The following ITFG1 variants were observed in gnomAD, a reference collection of about 807,000 sequenced individuals.
The protein encoded by ITFG1 is T-cell immunomodulatory protein.
A neutral mutation model predicts 81.8 loss-of-function variants in ITFG1; 34 were observed. The ratio of observed to expected loss-of-function variants is 0.42; its 90% CI spans 0.32 to 0.55. The LOEUF (loss-of-function observed/expected upper bound fraction) is 0.55, where lower values mean the gene tolerates loss of function less well. Ranked by LOEUF, ITFG1 falls within the 20% of genes least tolerant of loss-of-function variation. The pLI is 0.17. For missense variants in ITFG1, 672 were observed against 755.4 expected, an observed-to-expected ratio of 0.89 and a Z score of 1.29; for synonymous variants, 285 against 270.6, an observed-to-expected ratio of 1.05 and a Z score of -0.52.
chr16:47,200,684 C>T (rs1965414319), intron 14 of ITFG1, among the ~76,000 whole-genome samples: 1 of 152,080 alleles, frequency 6.6e-6, no homozygotes, highest in African/African-American at 2.4e-5. Flanking sequence ...TGTAAAACAT[C>T]CTTATCTAAG....
intron 5 of ITFG1, among the ~76,000 whole-genome samples, chr16:47,433,792 TAC>T (rs1194139016): frequency 9.6e-5 from 13 of 135,636 alleles, no homozygotes; most frequent in Non-Finnish European, 1.4e-4. Flanking sequence ...TATATATATA[TAC>T]ACACACACAC....
intron 8 of ITFG1, among the ~76,000 whole-genome samples, chr16:47,342,780 C>T (rs1439283527): frequency 6.6e-6 from 1 of 152,024 alleles, no homozygotes; most frequent in African/African-American, 2.4e-5. Context: ...GAACAAAACA[C>T]CCAGGAGTAA....
rs888907263 is a variant in ITFG1 at position 47,276,272 on chromosome 16, GA to G, written c.1071-15578del. 3.3e-5 allele frequency among the ~76,000 whole-genome samples: 5 copies of G among 150,390 alleles called. No homozygotes were observed. The East Asian group carries it at 5.8e-4, about 18-fold the overall frequency. On this transcript the variant is annotated intron_variant, in intron 10 of 17. Transcript: ENST00000320640. Reference sequence around the variant, plus strand: ...ATAATAGTCATTAGAAAAGTAATAGGAAAAAAAAATCTCATTCAATAACAAT... The same window carrying G: ...ATAATAGTCATTAGAAAAGTAATAGGAAAAAAAATCTCATTCAATAACAAT...
intron 14 of ITFG1, among the ~76,000 whole-genome samples, chr16:47,168,912 A>G (rs1295334418): frequency 6.6e-6 from 1 of 152,146 alleles, no homozygotes; most frequent in Non-Finnish European, 1.5e-5. Context: ...ATTATTTTAT[A>G]TGGAGTCCCA....
intron 6 of ITFG1, among the ~76,000 whole-genome samples, 182 bp downstream of exon 6, chr16:47,428,622 C>G (rs1969053860): frequency 6.6e-6 from 1 of 152,156 alleles, no homozygotes; most frequent in African/African-American, 2.4e-5. Flanking sequence ...ACAACAATAG[C>G]TAAAGACTTA....
intron 6 of ITFG1, among the ~76,000 whole-genome samples, chr16:47,420,642 TA>T (rs1382347987): frequency 6.6e-6 from 1 of 152,216 alleles, no homozygotes; most frequent in Non-Finnish European, 1.5e-5. Flanking sequence ...ATCCTGCTGT[TA>T]AAAAGAGACT....
intron 10 of ITFG1, among the ~76,000 whole-genome samples, chr16:47,283,820 A>T (rs570706451): frequency 2.0e-5 from 3 of 152,352 alleles, no homozygotes; most frequent in Admixed American, 2.0e-4. Context: ...CACTCTTGGT[A>T]CCTTTCTACA....
At chr16:47,382,154 C>A (rs768974037) in intron 6 of ITFG1, among the ~76,000 whole-genome samples, 3 of 151,980 alleles carry the variant, frequency 2.0e-5, no homozygotes, top group Non-Finnish European at 4.4e-5. Context: ...CAGCATGGGT[C>A]AAAAAAACTC....
intron 13 of ITFG1, among the ~76,000 whole-genome samples, chr16:47,231,786 G>A (rs1488980721): frequency 6.6e-6 from 1 of 152,214 alleles, no homozygotes; most frequent in African/African-American, 2.4e-5. Context: ...AAGGTAATGT[G>A]ATAGGCAGAA....
At chr16:47,229,599 A>C (rs1965793741) in intron 13 of ITFG1, among the ~76,000 whole-genome samples, 2 of 151,638 alleles carry the variant, frequency 1.3e-5, no homozygotes, top group Non-Finnish European at 2.9e-5. Context: ...TGCTGCAGTC[A>C]GGCAAAAAAA....
chr16:47,429,940 G>A (rs1969072446), intron 5 of ITFG1, among the ~76,000 whole-genome samples: 1 of 151,528 alleles, frequency 6.6e-6, no homozygotes, highest in Non-Finnish European at 1.5e-5. Context: ...GGGATTATAA[G>A]ACCATTACCC....
intron 8 of ITFG1, among the ~76,000 whole-genome samples, chr16:47,323,599 GA>G (rs1967482439): frequency 6.6e-6 from 1 of 152,132 alleles, no homozygotes; most frequent in South Asian, 2.1e-4. Context: ...AATGGAATAA[GA>G]CAACTACTAT....
intron 10 of ITFG1, chr16:47,263,305 T>C (rs1966233092): frequency 4.3e-6 from 2 of 460,746 alleles, no homozygotes; most frequent in South Asian, 1.7e-5. Context: ...ATCAGGGCTA[T>C]TCCTATAACC....
intron 10 of ITFG1, among the ~76,000 whole-genome samples, chr16:47,262,296 T>C (rs939676029): frequency 6.6e-5 from 10 of 152,214 alleles, no homozygotes; most frequent in African/African-American, 2.4e-4. Flanking sequence ...TATAGAACAG[T>C]ATTTGTCCAC....
At chr16:47,272,633 T>G (rs1042109782) in intron 10 of ITFG1, among the ~76,000 whole-genome samples, 53 of 152,210 alleles carry the variant, frequency 3.5e-4, no homozygotes, top group African/African-American at 1.0e-3. Context: ...TGACTTCAAG[T>G]GATCTGCCTG....
chr16:47,460,142 T>G (rs190381847), intron 1 of ITFG1, among the ~76,000 whole-genome samples: 1 of 152,274 alleles, frequency 6.6e-6, no homozygotes, highest in East Asian at 1.9e-4. Context: ...AACACTAAGG[T>G]GATGACCAAG....
intron 16 of ITFG1, among the ~76,000 whole-genome samples, chr16:47,159,754 A>G (rs1162397045): frequency 1.3e-5 from 2 of 152,122 alleles, no homozygotes; most frequent in African/African-American, 4.8e-5. Context: ...GAAATAGGTA[A>G]TGGCTATATT....
chr16:47,385,106 G>A (rs1458791269), intron 6 of ITFG1, among the ~76,000 whole-genome samples: 8 of 152,190 alleles, frequency 5.3e-5, no homozygotes, highest in South Asian at 2.1e-4. Context: ...TGTGCAATTC[G>A]TTTTAAGAAG....
chr16:47,386,779 C>T (rs1220224068), intron 6 of ITFG1, among the ~76,000 whole-genome samples: 1 of 152,210 alleles, frequency 6.6e-6, no homozygotes, highest in African/African-American at 2.4e-5. Flanking sequence ...CCAGGAGAAG[C>T]GTCAGGCTGT....
Sources: gnomAD v4.1 joint callset for allele counts (sites outside exome capture counted in the v4.1 genomes callset) on GRCh38, gnomAD v4.1.1 for gene constraint, MANE v1.5 for transcripts, NCBI Gene and HGNC (gene_info 2026-07-23, HGNC 2026-07-21) for gene names.